The following SH3BGRL2 variants were observed in gnomAD, a reference collection of about 807,000 sequenced individuals.
SH3BGRL2 encodes the protein SH3 domain-binding glutamic acid-rich-like protein 2.
In SH3BGRL2, 21 loss-of-function variants were observed where a neutral mutation model predicts 14.8. That is an observed-to-expected ratio of 1.42 (90% confidence interval 1.01 to 2.05). SH3BGRL2 has a LOEUF of 2.05. SH3BGRL2 is among the 30% of genes most tolerant of loss of function. The pLI, the probability that SH3BGRL2 is intolerant of heterozygous loss-of-function variation, is 0.00. For missense variants in SH3BGRL2, 147 were observed against 130.8 expected, an observed-to-expected ratio of 1.12 and a Z score of -0.61; for synonymous variants, 50 against 47.8, an observed-to-expected ratio of 1.05 and a Z score of -0.19.
chr6:79,631,507 G>C lies in SH3BGRL2; in HGVS notation c.45+1G>C, dbSNP rs568826336. The C allele has an allele frequency of 4.1e-6, 6 of 1,470,552 alleles. No individual in the cohort carries two copies. The South Asian group carries it at 8.5e-5, about 21-fold the overall frequency. 91.1% of individuals were successfully genotyped at this position (1,470,552 alleles called of 1,614,324 possible). ...CGCCTCTTCCTCGGGCTTCGTGGCG[G>C]TGAGCGCGGTGGGGGCGGGCAGTAG... On this transcript the variant is annotated splice_donor_variant, in intron 1 of 3. Coordinates refer to ENST00000369838, the MANE Select transcript of SH3BGRL2 (RefSeq NM_031469.4). LOFTEE classifies it high-confidence loss of function.
chr6:79,702,998 A>G lies in SH3BGRL2; in HGVS notation c.*3489A>G, dbSNP rs1328009345. The G allele has an allele frequency of 6.6e-6, 1 of 152,254 alleles. No homozygotes were observed. The highest frequency in any genetic ancestry group is 1.5e-5 in the Non-Finnish European group (1 of 68,056). 9.4% of individuals were successfully genotyped at this position (152,254 alleles called of 1,614,324 possible). ...AACGATTTCAAGCCCTACGCACCAG[A>G]ACAGAAGGAGGGTGGAGGAAGTGAT... On this transcript the variant is annotated 3_prime_UTR_variant, in exon 4 of 4. Transcript: ENST00000369838.
the SH3BGRL2 span, among the ~76,000 whole-genome samples, chr6:79,571,927 A>G: frequency 7.9e-5 from 12 of 152,054 alleles, no homozygotes; most frequent in Non-Finnish European, 1.6e-4. Flanking sequence ...CTTTTTTTGG[A>G]ATAATTTTAG....
chr6:79,633,968 G>T (rs1413508860), intron 1 of SH3BGRL2, among the ~76,000 whole-genome samples: 1 of 152,170 alleles, frequency 6.6e-6, no homozygotes, highest in African/African-American at 2.4e-5. Flanking sequence ...GTTGACTGTT[G>T]ATAGTGTTTC....
chr6:79,572,074 A>G, the SH3BGRL2 span, among the ~76,000 whole-genome samples: 1 of 152,196 alleles, frequency 6.6e-6, no homozygotes, highest in African/African-American at 2.4e-5. Context: ...AATTACCTAA[A>G]CCACAAACTT....
intron 1 of SH3BGRL2, among the ~76,000 whole-genome samples, chr6:79,643,853 G>A (rs184800606): frequency 2.4e-4 from 37 of 152,328 alleles, no homozygotes; most frequent in Non-Finnish European, 2.1e-4. Flanking sequence ...ACTGTTTAAT[G>A]TTTTGTTGGA....
chr6:79,593,039 A>G, the SH3BGRL2 span, among the ~76,000 whole-genome samples: 1 of 152,178 alleles, frequency 6.6e-6, no homozygotes, highest in South Asian at 2.1e-4. Flanking sequence ...ATGGTATACT[A>G]CCTTATTCCA....
At chr6:79,662,578 A>AT (rs2127729905) in intron 1 of SH3BGRL2, among the ~76,000 whole-genome samples, 1 of 151,546 alleles carries the variant, frequency 6.6e-6, no homozygotes, top group Non-Finnish European at 1.5e-5. Flanking sequence ...CGCCCTTAAC[A>AT]TTTTTTTCCT....
At chr6:79,565,851 G>C in the SH3BGRL2 span, among the ~76,000 whole-genome samples, 1 of 152,092 alleles carries the variant, frequency 6.6e-6, no homozygotes, top group East Asian at 1.9e-4. Context: ...AGTCTGTATG[G>C]GGCATCTTAC....
chr6:79,556,041 T>G, the SH3BGRL2 span, among the ~76,000 whole-genome samples: 1 of 151,948 alleles, frequency 6.6e-6, no homozygotes, highest in African/African-American at 2.4e-5. Flanking sequence ...CTCATACTAT[T>G]TCATCAAACA....
the SH3BGRL2 span, among the ~76,000 whole-genome samples, chr6:79,542,647 G>A: frequency 6.6e-6 from 1 of 152,142 alleles, no homozygotes; most frequent in African/African-American, 2.4e-5. Context: ...TTGGCTTATC[G>A]GTAGGTTCTG....
chr6:79,657,778 G>T (rs950861521), intron 1 of SH3BGRL2, among the ~76,000 whole-genome samples: 5 of 151,688 alleles, frequency 3.3e-5, no homozygotes, highest in Non-Finnish European at 5.9e-5. Flanking sequence ...TACCATGCCT[G>T]GCTAATTAAT....
At chr6:79,559,956 TTCTA>T in the SH3BGRL2 span, among the ~76,000 whole-genome samples, 3 of 152,288 alleles carry the variant, frequency 2.0e-5, no homozygotes, top group African/African-American at 7.2e-5. Flanking sequence ...TTGAAATTGT[TTCTA>T]AATAAAAGGT....
chr6:79,637,406 A>T (rs1768946582), intron 1 of SH3BGRL2, among the ~76,000 whole-genome samples: 2 of 152,166 alleles, frequency 1.3e-5, no homozygotes, highest in Admixed American at 1.3e-4. Context: ...TGAAAATCAA[A>T]ATGTGGCCGG....
At chr6:79,617,302 A>G in the SH3BGRL2 span, among the ~76,000 whole-genome samples, 2 of 152,186 alleles carry the variant, frequency 1.3e-5, no homozygotes, top group South Asian at 2.1e-4. Context: ...ATGTACTTCT[A>G]TCTGGATTTT....
intron 2 of SH3BGRL2, among the ~76,000 whole-genome samples, chr6:79,691,686 C>T (rs1259747103): frequency 2.7e-5 from 4 of 150,898 alleles, no homozygotes; most frequent in Non-Finnish European, 5.9e-5. Flanking sequence ...GACATGAACT[C>T]ATCATTTTTT....
At chr6:79,590,455 A>ATGTATG in the SH3BGRL2 span, among the ~76,000 whole-genome samples, 1 of 116,146 alleles carries the variant, frequency 8.6e-6, no homozygotes, top group East Asian at 3.7e-4. Flanking sequence ...ATATATATAT[A>ATGTATG]TATATATATG....
At chr6:79,582,890 A>C in the SH3BGRL2 span, among the ~76,000 whole-genome samples, 31 of 152,150 alleles carry the variant, frequency 2.0e-4, no homozygotes, top group Admixed American at 3.9e-4. Flanking sequence ...TACCCATCTG[A>C]CAAAGGGCTA....
At chr6:79,698,273 C>T (rs973081468) in intron 3 of SH3BGRL2, among the ~76,000 whole-genome samples, 3 of 152,148 alleles carry the variant, frequency 2.0e-5, no homozygotes, top group Non-Finnish European at 2.9e-5. Flanking sequence ...ACTTCATCGT[C>T]GTATGAGAGA....
chr6:79,543,739 C>T, the SH3BGRL2 span, among the ~76,000 whole-genome samples: 2 of 152,208 alleles, frequency 1.3e-5, no homozygotes, highest in African/African-American at 4.8e-5. Flanking sequence ...ACAAACACTT[C>T]GAGTACTCTA....
Sources: gnomAD v4.1 joint callset for allele counts (sites outside exome capture counted in the v4.1 genomes callset) on GRCh38, gnomAD v4.1.1 for gene constraint, MANE v1.5 for transcripts, NCBI Gene and HGNC (gene_info 2026-07-23, HGNC 2026-07-21) for gene names.